FILIP1: variants seen among roughly 807,000 people sequenced by gnomAD.
The protein encoded by FILIP1 is filamin A interacting protein 1, also known as filamin-A-interacting protein 1.
Under a neutral mutation model 102.1 loss-of-function variants are expected in FILIP1, and 61 were observed. The observed-to-expected ratio is 0.60, with a 90% CI of 0.49 to 0.74. The LOEUF is 0.74. Ranked by LOEUF, FILIP1 falls within the 30% of genes least tolerant of loss-of-function variation. FILIP1 has a pLI of 0.00. For missense variants in FILIP1, 1,314 were observed against 1,441.2 expected (o/e 0.91, Z 1.43); for synonymous variants, 491 against 526.9 (o/e 0.93, Z 0.93).
At chr6:75,470,752 A>T (rs1779303964) in intron 1 of FILIP1, among the ~76,000 whole-genome samples, 1 of 152,186 alleles carries the variant, frequency 6.6e-6, no homozygotes, top group African/African-American at 2.4e-5. Context: ...TGTAGTTAAG[A>T]CTTAAAATTT....
chr6:75,440,938 G>A (rs1352889116), intron 1 of FILIP1, among the ~76,000 whole-genome samples: 4 of 138,360 alleles, frequency 2.9e-5, no homozygotes, highest in Non-Finnish European at 6.1e-5. Context: ...AACAAGGAGC[G>A]ACGTCTCAAA....
chr6:75,298,519 C>T (rs1250034944), intron 6 of FILIP1, among the ~76,000 whole-genome samples: 2 of 152,170 alleles, frequency 1.3e-5, no homozygotes, highest in African/African-American at 4.8e-5. Context: ...AACAGATTTA[C>T]TAAATCTATA....
At chr6:75,323,660 T>G (rs1266664953) in intron 4 of FILIP1, among the ~76,000 whole-genome samples, 3 of 152,076 alleles carry the variant, frequency 2.0e-5, no homozygotes, top group Non-Finnish European at 1.5e-5. Flanking sequence ...TTCAAGAGGC[T>G]CTTAAAAGCC....
chr6:75,470,727 C>T (rs1779303358), intron 1 of FILIP1, among the ~76,000 whole-genome samples: 1 of 152,108 alleles, frequency 6.6e-6, no homozygotes, highest in Non-Finnish European at 1.5e-5. Flanking sequence ...TTTTATCTTA[C>T]ACTGTTCACA....
intron 1 of FILIP1, among the ~76,000 whole-genome samples, chr6:75,469,146 G>A (rs1442956760): frequency 1.3e-5 from 2 of 151,870 alleles, no homozygotes; most frequent in Non-Finnish European, 2.9e-5. Flanking sequence ...AACAACGATA[G>A]GAATTTTTAA....
intron 1 of FILIP1, among the ~76,000 whole-genome samples, chr6:75,491,805 T>C (rs1779965674): frequency 6.6e-6 from 1 of 152,178 alleles, no homozygotes; most frequent in Non-Finnish European, 1.5e-5. Flanking sequence ...CAATTAATGA[T>C]ACTGAAAAAT....
chr6:75,300,583 T>C lies in FILIP1; in HGVS notation c.3494-4633A>G, dbSNP rs530249223. On this transcript the variant is annotated intron_variant, in intron 6 of 6. Transcript: ENST00000393004. ...TAAACTGCTTCAGGGTTCAATCCTG[T>C]TATTATCACATTCAGAAATTAATCA... Among the ~76,000 whole-genome samples, 14 of 152,358 alleles carry C rather than the reference T, an allele frequency of 9.2e-5. No homozygotes were observed. The South Asian group carries it at 2.9e-3, about 32-fold the overall frequency.
intron 4 of FILIP1, among the ~76,000 whole-genome samples, chr6:75,320,135 T>G (rs903063264): frequency 6.6e-6 from 1 of 152,226 alleles, no homozygotes; most frequent in African/African-American, 2.4e-5. Context: ...GCAAATTCCA[T>G]GAGGGTAGCT....
chr6:75,411,694 T>C (rs1582465269), intron 2 of FILIP1, among the ~76,000 whole-genome samples: 1 of 152,350 alleles, frequency 6.6e-6, no homozygotes, highest in South Asian at 2.1e-4. Context: ...ATTGCTTGTT[T>C]TTGTCAGGTT....
At chr6:75,325,510 T>C (rs1773812372) in intron 4 of FILIP1, among the ~76,000 whole-genome samples, 1 of 152,142 alleles carries the variant, frequency 6.6e-6, no homozygotes, top group Admixed American at 6.5e-5. Flanking sequence ...AAAGGACTAA[T>C]ATCCAGAATT....
chr6:75,478,630 T>C (rs1473264007), intron 1 of FILIP1, among the ~76,000 whole-genome samples: 1 of 152,074 alleles, frequency 6.6e-6, no homozygotes, highest in Non-Finnish European at 1.5e-5. Context: ...ACAGGTGGTG[T>C]TCTGGATTCT....
At chr6:75,389,080 AG>A (rs1487488201) in intron 2 of FILIP1, among the ~76,000 whole-genome samples, 2 of 152,180 alleles carry the variant, frequency 1.3e-5, no homozygotes, top group Non-Finnish European at 2.9e-5. Flanking sequence ...TTTAGCATGA[AG>A]GGCTGTTGAA....
chr6:75,478,438 C>T (rs780972210), intron 1 of FILIP1, among the ~76,000 whole-genome samples: 50 of 152,288 alleles, frequency 3.3e-4, no homozygotes, highest in Admixed American at 7.2e-4. Flanking sequence ...ACATTCACCC[C>T]ATACACCACT....
chr6:75,448,837 G>T (rs1778523592), intron 1 of FILIP1, among the ~76,000 whole-genome samples: 1 of 152,084 alleles, frequency 6.6e-6, no homozygotes, highest in East Asian at 1.9e-4. Flanking sequence ...AAAAATAATA[G>T]ATGTTGGTGT....
intron 1 of FILIP1, among the ~76,000 whole-genome samples, chr6:75,460,826 A>C (rs1450897885): frequency 6.6e-6 from 1 of 152,220 alleles, no homozygotes; most frequent in Non-Finnish European, 1.5e-5. Flanking sequence ...GTTGAGTCAG[A>C]ATACTTGTTA....
At chr6:75,316,625 C>A (rs549758224) in intron 4 of FILIP1, among the ~76,000 whole-genome samples, 1 of 152,162 alleles carries the variant, frequency 6.6e-6, no homozygotes, top group African/African-American at 2.4e-5. Flanking sequence ...TGGCTCTGAT[C>A]ATGTCGTTAA....
intron 1 of FILIP1, among the ~76,000 whole-genome samples, chr6:75,485,990 C>CACACAT (rs1779776213): frequency 7.2e-6 from 1 of 138,830 alleles, no homozygotes; most frequent in African/African-American, 3.0e-5. Context: ...CACACACACA[C>CACACAT]ACACACATAC....
rs922846821 is a variant in FILIP1 at position 75,442,646 on chromosome 6, C to T, written c.-6-27668G>A. On this transcript the variant is annotated intron_variant, in intron 1 of 5. Transcript: ENST00000237172. Reference sequence around the variant, plus strand: ...GCGCGCGCCTGCAATCGCAGGCACTCGGCAGGCTGAGGCAGGAGAATCAGG... The same window carrying T: ...GCGCGCGCCTGCAATCGCAGGCACTTGGCAGGCTGAGGCAGGAGAATCAGG... Among the ~76,000 whole-genome samples the T allele has an allele frequency of 8.0e-5, 12 of 149,692 alleles. 1 individual carries two copies. Among genetic ancestry groups the T allele is most frequent in the South Asian group, 2.1e-4 (1 of 4,716 alleles).
rs779709773 is a variant in FILIP1, at chr6:75,312,615, A to C, written c.3217T>G (p.Ser1073Ala). Residue 1073 changes from serine to alanine, a missense_variant, in exon 5 of 6, where the codon TCT becomes GCT. Ser to Ala is a moderately conservative substitution (Grantham distance 99). Coordinates refer to ENST00000237172, the MANE Select transcript of FILIP1 (RefSeq NM_015687.5). ...GTCCCAGGGGACCGTTTAAACTGAG[A>C]CCCTAAGTGAATGTGAATTTTATTG... ...EDNKIHIHLG[S>A]QFKRSPGTSG... is the part of the protein sequence containing the mutation. 57 of 1,614,066 alleles carry C rather than the reference A, an allele frequency of 3.5e-5. No individual in the cohort carries two copies. In the South Asian group the frequency reaches 5.3e-4, roughly 15 times the overall value.
Sources: gnomAD v4.1 joint callset for allele counts (sites outside exome capture counted in the v4.1 genomes callset) on GRCh38, gnomAD v4.1.1 for gene constraint, MANE v1.5 for transcripts, NCBI Gene and HGNC (gene_info 2026-07-23, HGNC 2026-07-21) for gene names.